The following LYPLAL1 variants were observed in gnomAD, a reference collection of about 807,000 sequenced individuals.
LYPLAL1 encodes the protein lysophospholipase like 1.
A neutral mutation model predicts 19.7 loss-of-function variants in LYPLAL1; 23 were observed. The observed-to-expected ratio is 1.17, with a 90% CI of 0.84 to 1.65. The LOEUF is 1.65. Among genes scored for constraint, LYPLAL1 ranks in the 40% most tolerant of loss-of-function variants. The pLI is 0.00. For synonymous variants in LYPLAL1, 119 were observed against 96.3 expected (o/e 1.24, Z -1.38); for missense variants, 355 against 279.4 (o/e 1.27, Z -1.93).
chr1:219,392,902 A>G, the LYPLAL1 span, among the ~76,000 whole-genome samples: 3 of 152,194 alleles, frequency 2.0e-5, no homozygotes, highest in African/African-American at 7.2e-5. Flanking sequence ...ATATAATCTA[A>G]GATAATCTTT....
At chr1:219,202,769 T>C (rs1156417736) in intron 3 of LYPLAL1, among the ~76,000 whole-genome samples, 1 of 151,962 alleles carries the variant, frequency 6.6e-6, no homozygotes, top group East Asian at 1.9e-4. Flanking sequence ...CCTAAACTCC[T>C]GGACTCAGTG....
the LYPLAL1 span, among the ~76,000 whole-genome samples, chr1:219,431,596 C>T: frequency 6.6e-6 from 1 of 152,220 alleles, no homozygotes. Flanking sequence ...CTTATTTCTG[C>T]TTCTTCCGTG....
chr1:219,186,431 A>T (rs565424054), intron 2 of LYPLAL1, among the ~76,000 whole-genome samples: 1 of 151,812 alleles, frequency 6.6e-6, no homozygotes, highest in Non-Finnish European at 1.5e-5. Flanking sequence ...ATCTCTAGCT[A>T]TGATTGTAGA....
the LYPLAL1 span, among the ~76,000 whole-genome samples, chr1:219,361,536 C>A: frequency 6.6e-6 from 1 of 152,072 alleles, no homozygotes; most frequent in Non-Finnish European, 1.5e-5. Flanking sequence ...CTTTACCTTG[C>A]ACTTTTTTTC....
intron 3 of LYPLAL1, chr1:219,193,601 C>T (rs1214783159): frequency 6.2e-6 from 1 of 160,242 alleles, no homozygotes; most frequent in Non-Finnish European, 1.4e-5. Flanking sequence ...CATCTATTGC[C>T]ATTAAGATAT....
intron 3 of LYPLAL1, among the ~76,000 whole-genome samples, chr1:219,210,044 A>AT (rs540732535): frequency 5.9e-5 from 9 of 152,094 alleles, no homozygotes; most frequent in African/African-American, 9.6e-5. Context: ...AGCTCCTCAA[A>AT]TTTTTTTTAT....
chr1:219,321,181 G>C, the LYPLAL1 span, among the ~76,000 whole-genome samples: 2 of 152,170 alleles, frequency 1.3e-5, no homozygotes, highest in African/African-American at 4.8e-5. Context: ...TTGCATTTCT[G>C]TGATGGTCAG....
intron 3 of LYPLAL1, among the ~76,000 whole-genome samples, chr1:219,204,781 G>A (rs1351624922): frequency 6.6e-6 from 1 of 152,060 alleles, no homozygotes; most frequent in Non-Finnish European, 1.5e-5. Context: ...CTAGAACCCG[G>A]GTCCCCATAA....
the LYPLAL1 span, among the ~76,000 whole-genome samples, chr1:219,386,854 C>G: frequency 1.4e-4 from 21 of 152,168 alleles, no homozygotes; most frequent in Admixed American, 9.8e-4. Context: ...AATTCCACCT[C>G]TGATATTGCT....
the LYPLAL1 span, among the ~76,000 whole-genome samples, chr1:219,345,301 G>A: frequency 1.3e-5 from 2 of 152,260 alleles, no homozygotes; most frequent in African/African-American, 4.8e-5. Flanking sequence ...CTTCCACAGA[G>A]TAGATGTCCT....
chr1:219,357,798 A>T, the LYPLAL1 span, among the ~76,000 whole-genome samples: 16 of 152,214 alleles, frequency 1.1e-4, no homozygotes, highest in Admixed American at 9.2e-4. Context: ...AGCAACAAAG[A>T]TGTGAATAAA....
At chr1:219,304,200 A>G in the LYPLAL1 span, among the ~76,000 whole-genome samples, 76 of 152,342 alleles carry the variant, frequency 5.0e-4, no homozygotes, top group African/African-American at 1.8e-3. Context: ...GACCCTATAC[A>G]TAAAACTGCA....
chr1:219,290,658 G>A, the LYPLAL1 span, among the ~76,000 whole-genome samples: 1 of 152,080 alleles, frequency 6.6e-6, no homozygotes, highest in Non-Finnish European at 1.5e-5. Context: ...GCCCTTCTCT[G>A]TCTGCGGAAT....
the LYPLAL1 span, among the ~76,000 whole-genome samples, chr1:219,224,537 G>A: frequency 9.9e-5 from 15 of 152,168 alleles, no homozygotes; most frequent in African/African-American, 3.4e-4. Flanking sequence ...CAGCGGTGAC[G>A]TACTCATGGT....
chr1:219,407,055 G>A, the LYPLAL1 span, among the ~76,000 whole-genome samples: 1 of 152,112 alleles, frequency 6.6e-6, no homozygotes, highest in African/African-American at 2.4e-5. Context: ...GCAAAATGGC[G>A]ACTAGGCAGC....
chr1:219,400,499 C>CT, the LYPLAL1 span, among the ~76,000 whole-genome samples: 1,191 of 144,332 alleles, frequency 8.3e-3, 17 homozygotes, highest in African/African-American at 0.023. Context: ...GTCTATCTAT[C>CT]TTTTTTTTTT....
chr1:219,338,713 A>G, the LYPLAL1 span, among the ~76,000 whole-genome samples: 1 of 151,968 alleles, frequency 6.6e-6, no homozygotes, highest in African/African-American at 2.4e-5. Context: ...AGTAAATTCT[A>G]CAAAATGCAC....
chr1:219,421,813 A>G, the LYPLAL1 span, among the ~76,000 whole-genome samples: 29 of 152,322 alleles, frequency 1.9e-4, no homozygotes, highest in South Asian at 6.0e-3. Context: ...GTGACTAAAA[A>G]TAATTAAATA....
At chr1:219,325,177 C>T in the LYPLAL1 span, among the ~76,000 whole-genome samples, 93 of 152,256 alleles carry the variant, frequency 6.1e-4, no homozygotes, top group Non-Finnish European at 1.1e-3. Context: ...CTTTCTGCTG[C>T]GTGTAAATGA....
Sources: gnomAD v4.1 joint callset for allele counts (sites outside exome capture counted in the v4.1 genomes callset) on GRCh38, gnomAD v4.1.1 for gene constraint, MANE v1.5 for transcripts, NCBI Gene and HGNC (gene_info 2026-07-23, HGNC 2026-07-21) for gene names.